Variants in DENND5B observed in about 807,000 individuals in gnomAD.
DENND5B encodes the protein DENN domain-containing protein 5B.
In DENND5B, 34 loss-of-function variants were observed where a neutral mutation model predicts 140.6. That is an observed-to-expected ratio of 0.24 (90% CI 0.18 to 0.32). The LOEUF is 0.32. Ranked by LOEUF, DENND5B falls within the 10% of genes least tolerant of loss-of-function variation. The probability of loss-of-function intolerance (pLI) is 1.00; values close to 1 mark genes in which losing one functional copy is unlikely to be tolerated. For synonymous variants in DENND5B, 551 were observed against 562.1 expected (o/e 0.98, Z 0.28); for missense variants, 1,142 against 1,560.2 (o/e 0.73, Z 4.52).
At chr12:31,463,667 A>ATT (rs558458375) in intron 3 of DENND5B, among the ~76,000 whole-genome samples, 1 of 149,938 alleles carries the variant, frequency 6.7e-6, no homozygotes, top group Non-Finnish European at 1.5e-5. Context: ...CACATTATTA[A>ATT]TTTTTTTTTT....
At chr12:31,397,692 G>A (rs1941557243) in intron 17 of DENND5B, among the ~76,000 whole-genome samples, 1 of 152,068 alleles carries the variant, frequency 6.6e-6, no homozygotes, top group Non-Finnish European at 1.5e-5. Context: ...TTGGGAGGCT[G>A]AGGCAGGCAG....
intron 7 of DENND5B, among the ~76,000 whole-genome samples, chr12:31,439,790 G>A (rs976226596): frequency 2.0e-5 from 3 of 151,772 alleles, no homozygotes; most frequent in Non-Finnish European, 4.4e-5. Context: ...TTAGCCTGGC[G>A]TAGTGGCGCA....
intron 8 of DENND5B, chr12:31,432,152 G>A (rs1336554755): frequency 3.0e-6 from 3 of 984,628 alleles, no homozygotes; most frequent in Non-Finnish European, 3.6e-6. Context: ...TTCCCCGGAA[G>A]GCTAAGAGGA....
intron 1 of DENND5B, 45 bp from the exon 2 acceptor site, chr12:31,495,964 G>C (rs1226387517): frequency 7.4e-7 from 1 of 1,345,742 alleles, no homozygotes. Flanking sequence ...TTTTCCAAAA[G>C]CATGTCATAG....
At chr12:31,528,415 C>G (rs777123279) in intron 1 of DENND5B, among the ~76,000 whole-genome samples, 5 of 152,172 alleles carry the variant, frequency 3.3e-5, no homozygotes, top group Admixed American at 6.5e-5. Flanking sequence ...TCTCAAGATC[C>G]TGAATCACAT....
At chr12:31,437,181 C>T (rs977687460) in intron 7 of DENND5B, among the ~76,000 whole-genome samples, 1 of 149,766 alleles carries the variant, frequency 6.7e-6, no homozygotes, top group Admixed American at 6.7e-5. Flanking sequence ...CTCACTCTGT[C>T]GTCCAGGCTG....
intron 2 of DENND5B, among the ~76,000 whole-genome samples, chr12:31,486,289 G>C (rs538547518): frequency 2.0e-5 from 3 of 152,332 alleles, no homozygotes; most frequent in Admixed American, 2.0e-4. Context: ...CCTCTCTGGA[G>C]TACACAATAA....
At chr12:31,542,700 A>G in intron 1 of DENND5B, among the ~76,000 whole-genome samples, 1 of 151,998 alleles carries the variant, frequency 6.6e-6, no homozygotes, top group East Asian at 1.9e-4. Context: ...TCATGCCTGT[A>G]ATCCCAACAC....
intron 3 of DENND5B, among the ~76,000 whole-genome samples, chr12:31,466,060 C>T (rs1249267862): frequency 6.6e-6 from 1 of 152,124 alleles, no homozygotes; most frequent in Non-Finnish European, 1.5e-5. Flanking sequence ...CACAGAGACA[C>T]ACAGAAAATT....
chr12:31,503,184 C>T (rs1947075446), intron 1 of DENND5B, among the ~76,000 whole-genome samples: 1 of 152,120 alleles, frequency 6.6e-6, no homozygotes, highest in Non-Finnish European at 1.5e-5. Flanking sequence ...GGGATAACAG[C>T]TACTCATGAG....
chr12:31,474,449 T>C (rs1945699985), intron 3 of DENND5B, among the ~76,000 whole-genome samples: 1 of 152,232 alleles, frequency 6.6e-6, no homozygotes, highest in African/African-American at 2.4e-5. Flanking sequence ...CTTCACATCC[T>C]GGGTACATTT....
chr12:31,399,569 G>A (rs1042217796), intron 16 of DENND5B, 85 bp downstream of exon 16: 7 of 1,118,192 alleles, frequency 6.3e-6, no homozygotes, highest in Non-Finnish European at 9.1e-6. Flanking sequence ...GTGAGCCACT[G>A]TGCCTGGCCT....
intron 4 of DENND5B, among the ~76,000 whole-genome samples, chr12:31,452,787 T>C (rs1453840541): frequency 6.6e-6 from 1 of 152,240 alleles, no homozygotes; most frequent in African/African-American, 2.4e-5. Context: ...CCATCATTTT[T>C]CCCTATGTGA....
chr12:31,476,900 G>A (rs1945838539), intron 3 of DENND5B, among the ~76,000 whole-genome samples: 1 of 152,126 alleles, frequency 6.6e-6, no homozygotes, highest in African/African-American at 2.4e-5. Context: ...TCAAGAAAAT[G>A]GCCTTTAAGA....
chr12:31,584,012 A>T (rs1289724588), intron 1 of DENND5B, among the ~76,000 whole-genome samples: 1 of 152,240 alleles, frequency 6.6e-6, no homozygotes, highest in African/African-American at 2.4e-5. Context: ...AAATTATAGA[A>T]GAGGAAATTG....
At chr12:31,502,066 T>C (rs780885717) in intron 1 of DENND5B, among the ~76,000 whole-genome samples, 6 of 152,024 alleles carry the variant, frequency 3.9e-5, no homozygotes, top group African/African-American at 7.2e-5. Flanking sequence ...CCTGTAATCC[T>C]AGCACTTTGG....
chr12:31,570,988 T>C (rs1230296918), intron 1 of DENND5B, among the ~76,000 whole-genome samples: 3 of 152,110 alleles, frequency 2.0e-5, no homozygotes, highest in Non-Finnish European at 2.9e-5. Context: ...GTCCCTGTTA[T>C]CATTCTGCTG....
At chr12:31,474,190 C>T (rs1945686386) in intron 3 of DENND5B, among the ~76,000 whole-genome samples, 1 of 152,168 alleles carries the variant, frequency 6.6e-6, no homozygotes, top group Non-Finnish European at 1.5e-5. Flanking sequence ...CACAGGCATG[C>T]AGTGTGGTGT....
At chr12:31,454,076 A>C (rs1410125331) in intron 4 of DENND5B, among the ~76,000 whole-genome samples, 1 of 150,022 alleles carries the variant, frequency 6.7e-6, no homozygotes, top group East Asian at 2.0e-4. Flanking sequence ...CAGGAGGCAG[A>C]GGTTGCAGTG....
Sources: allele counts gnomAD v4.1 joint callset (sites outside exome capture counted in the v4.1 genomes callset), GRCh38; gene constraint gnomAD v4.1.1; transcripts MANE v1.5; gene names NCBI Gene and HGNC (gene_info 2026-07-23, HGNC 2026-07-21).